The following TOX variants were observed in gnomAD, a reference collection of about 807,000 sequenced individuals.
TOX encodes the protein thymocyte selection-associated high mobility group box protein TOX.
Under a neutral mutation model 53.7 loss-of-function variants are expected in TOX, and 11 were observed. The observed-to-expected ratio is 0.20, with a 90% CI of 0.13 to 0.34. The LOEUF is 0.34. Ranked by LOEUF, TOX falls within the 10% of genes least tolerant of loss-of-function variation. TOX has a pLI of 1.00. For missense variants in TOX, 570 were observed against 664.6 expected, an observed-to-expected ratio of 0.86 and a Z score of 1.56; for synonymous variants, 225 against 245.3, an observed-to-expected ratio of 0.92 and a Z score of 0.77.
At chr8:59,002,751 G>C (rs1041749051) in intron 1 of TOX, among the ~76,000 whole-genome samples, 1 of 152,042 alleles carries the variant, frequency 6.6e-6, no homozygotes, top group African/African-American at 2.4e-5. Context: ...AGGCATAAAT[G>C]GTCAATAAGA....
intron 3 of TOX, among the ~76,000 whole-genome samples, chr8:58,852,178 T>C (rs1365086128): frequency 1.3e-5 from 2 of 152,188 alleles, no homozygotes; most frequent in Non-Finnish European, 2.9e-5. Context: ...ATGTTGATGC[T>C]CATTAGAGTG....
At chr8:58,823,422 C>G (rs1212090222) in intron 6 of TOX, among the ~76,000 whole-genome samples, 1 of 152,066 alleles carries the variant, frequency 6.6e-6, no homozygotes, top group Non-Finnish European at 1.5e-5. Flanking sequence ...CAGGGTTTCA[C>G]CATATTGGCC....
In TOX at chr8:59,092,748, G is replaced by A. The variant is rs1448727281; in HGVS notation, c.102+26138C>T. Among the ~76,000 whole-genome samples the A allele has an allele frequency of 2.0e-5, 3 of 151,844 alleles. No homozygotes were observed. The East Asian group carries it at 5.8e-4, about 29-fold the overall frequency. Reference sequence around the variant, plus strand: ...CCAGGAAGTTTTCTTTGAGATCCAGGCCAGGTTACAGCCTCTTTTTGTGCT... The same window carrying A: ...CCAGGAAGTTTTCTTTGAGATCCAGACCAGGTTACAGCCTCTTTTTGTGCT... On this transcript the variant is annotated intron_variant, in intron 1 of 8. Coordinates refer to ENST00000361421, the MANE Select transcript of TOX (RefSeq NM_014729.3).
chr8:58,832,223 TA>T (rs1810473161), intron 5 of TOX, among the ~76,000 whole-genome samples: 1 of 148,512 alleles, frequency 6.7e-6, no homozygotes, highest in Non-Finnish European at 1.5e-5. Context: ...AATATATATA[TA>T]AATACCTGAA....
At position 59,110,653 on chromosome 8, in the gene TOX, G is replaced by A. The variant is rs544566849; in HGVS notation, c.102+8233C>T. On this transcript the variant is annotated intron_variant, in intron 1 of 8. Transcript: ENST00000361421. ...TATTCTCCACTTTTATCTTCTTACA[G>A]TGCAAAACAGACAACAGCCCTCATA... Among the ~76,000 whole-genome samples the A allele has an allele frequency of 1.3e-5, 2 of 152,082 alleles. 1 individual carries two copies. The highest frequency in any genetic ancestry group is 4.2e-4 in the South Asian group (2 of 4,810).
At chr8:58,832,529 C>T (rs1449017881) in intron 5 of TOX, among the ~76,000 whole-genome samples, 1 of 152,098 alleles carries the variant, frequency 6.6e-6, no homozygotes, top group East Asian at 1.9e-4. Flanking sequence ...GAAACCCCAA[C>T]AGCATTATGT....
chr8:58,927,398 G>A (rs953813220), intron 3 of TOX, among the ~76,000 whole-genome samples: 1 of 152,086 alleles, frequency 6.6e-6, no homozygotes, highest in African/African-American at 2.4e-5. Context: ...GTAAAAGCAC[G>A]GCTCCCAGCC....
chr8:58,954,944 T>A (rs115012139), intron 2 of TOX, among the ~76,000 whole-genome samples: 1 of 152,118 alleles, frequency 6.6e-6, no homozygotes, highest in East Asian at 1.9e-4. Flanking sequence ...GAGTTGTGGT[T>A]TGATGAACTA....
At chr8:58,818,183 T>G (rs1810212056) in intron 6 of TOX, among the ~76,000 whole-genome samples, 1 of 152,180 alleles carries the variant, frequency 6.6e-6, no homozygotes, top group Non-Finnish European at 1.5e-5. Flanking sequence ...TATTTGTCAT[T>G]TATGTCCTCC....
At chr8:58,909,702 G>A (rs1811878162) in intron 3 of TOX, among the ~76,000 whole-genome samples, 2 of 149,202 alleles carry the variant, frequency 1.3e-5, no homozygotes, top group South Asian at 4.3e-4. Flanking sequence ...CTGTCATCCA[G>A]GCTGGAGTGC....
chr8:58,885,106 C>T (rs1028774785), intron 3 of TOX, among the ~76,000 whole-genome samples: 2 of 152,046 alleles, frequency 1.3e-5, no homozygotes, highest in African/African-American at 2.4e-5. Flanking sequence ...GAAGATAGCA[C>T]TTTCTGAAAA....
chr8:58,906,598 T>C (rs1310611412), intron 3 of TOX, among the ~76,000 whole-genome samples: 1 of 152,210 alleles, frequency 6.6e-6, no homozygotes, highest in Admixed American at 6.5e-5. Context: ...GAAAACTCTA[T>C]TCAGCTTGTC....
rs146240424 is a variant in TOX at position 58,922,685 on chromosome 8, T to C, written c.411+16617A>G. ...AGACCACCACCTCTCACGGTGCTTC[T>C]AGTCTAGCAGTGGGAGGTGGCCAAT... is the stretch of plus-strand genomic sequence containing the variant. On this transcript the variant is annotated intron_variant, in intron 3 of 8. Transcript: ENST00000361421. Among the ~76,000 whole-genome samples the C allele has an allele frequency of 6.3e-3, 963 of 152,350 alleles. 13 individuals carry two copies. The highest frequency in any genetic ancestry group is 0.022 in the African/African-American group (923 of 41,582).
intron 1 of TOX, among the ~76,000 whole-genome samples, chr8:59,110,019 C>T (rs1228681760): frequency 6.6e-6 from 1 of 152,012 alleles, no homozygotes; most frequent in Non-Finnish European, 1.5e-5. Context: ...ATTAGTTTTG[C>T]AGTAAATTTT....
At chr8:58,992,307 G>T in intron 1 of TOX, among the ~76,000 whole-genome samples, 1 of 152,134 alleles carries the variant, frequency 6.6e-6, no homozygotes, top group Non-Finnish European at 1.5e-5. Context: ...GGTCAGTCAA[G>T]GCACACAAAT....
At chr8:58,998,531 ATATATAT>A (rs1813617261) in intron 1 of TOX, among the ~76,000 whole-genome samples, 4 of 22,832 alleles carry the variant, frequency 1.8e-4, no homozygotes, top group African/African-American at 6.4e-4. Flanking sequence ...ATATATATAT[ATATATAT>A]AAATTTATAT....
chr8:58,851,412 G>T lies in TOX; in HGVS notation c.693+112C>A. ...ACCTCATGCTTCATTAACAAAGCAG[G>T]TGTCTCCCTCCAATGTTTCTCGCAT... On this transcript the variant is annotated intron_variant, in intron 4 of 8. Transcript: ENST00000361421. This position sits in a 1 kb window ranked among gnomAD's most constrained non-coding sequence, Gnocchi z 4.4. 1.6e-6 allele frequency: 2 copies of T among 1,223,250 alleles called. No homozygotes were observed. Among genetic ancestry groups the T allele is most frequent in the South Asian group, 1.5e-5 (1 of 68,656 alleles). 75.8% of individuals were successfully genotyped at this position (1,223,250 alleles called of 1,614,324 possible). A position where few individuals can be genotyped will look rare whatever the true frequency, so the allele number is the denominator to read the frequency against.
intron 1 of TOX, among the ~76,000 whole-genome samples, chr8:59,025,609 C>T (rs138910963): frequency 2.6e-5 from 4 of 152,236 alleles, no homozygotes; most frequent in East Asian, 1.9e-4. Flanking sequence ...ACACCGCTGG[C>T]GAACATCCAG....
intron 3 of TOX, among the ~76,000 whole-genome samples, chr8:58,872,482 G>A (rs776695105): frequency 6.6e-6 from 1 of 151,890 alleles, no homozygotes; most frequent in African/African-American, 2.4e-5. Context: ...AAAGAGTAAT[G>A]TTACATCAGT....
Sources: allele counts gnomAD v4.1 joint callset (sites outside exome capture counted in the v4.1 genomes callset), GRCh38; gene constraint gnomAD v4.1.1; non-coding constraint Gnocchi (gnomAD v3.1); transcripts MANE v1.5; gene names NCBI Gene and HGNC (gene_info 2026-07-23, HGNC 2026-07-21).